Variants in NCK1 observed in about 807,000 individuals in gnomAD.
The protein encoded by NCK1 is NCK adaptor protein 1.
NCK1 carries 19 observed loss-of-function variants against 36.6 expected under a neutral mutation model. The observed-to-expected ratio is 0.52, with a 90% CI of 0.36 to 0.76. The LOEUF is 0.76. Among genes scored for constraint, NCK1 ranks in the 30% least tolerant of loss-of-function variants. The probability of loss-of-function intolerance (pLI) is 0.00; values close to 1 mark genes in which losing one functional copy is unlikely to be tolerated. For synonymous variants in NCK1, 165 were observed against 156.0 expected (o/e 1.06, Z -0.43); for missense variants, 358 against 445.6 (o/e 0.80, Z 1.77).
In NCK1 at chr3:136,928,111, C is replaced by G. The variant is rs748380862; in HGVS notation, c.110C>G (p.Ser37Cys). The G allele has an allele frequency of 6.2e-6, 10 of 1,613,914 alleles. No homozygotes were observed. Among genetic ancestry groups the G allele is most frequent in the Non-Finnish European group, 7.6e-6 (9 of 1,180,016 alleles). Reference sequence around the variant, plus strand: ...TTATGGCTTCTGGATGATTCTAAGTCCTGGTGGCGAGTTCGAAATTCCATG... The same window carrying G: ...TTATGGCTTCTGGATGATTCTAAGTGCTGGTGGCGAGTTCGAAATTCCATG... ...ERLWLLDDSK[S>C]WWRVRNSMNK... The change falls in exon 2 of 4, where the codon TCC (serine) becomes TGC (cysteine). Residue 37 changes from serine to cysteine, a missense_variant. By Grantham distance (112) the Ser-to-Cys change is moderately radical. Around this residue, in one of 3 missense-constraint regions of NCK1, gnomAD observed 143 missense variants for 162.4 expected, o/e 0.88. Transcript: ENST00000481752.
intron 1 of NCK1, among the ~76,000 whole-genome samples, chr3:136,872,619 C>A (rs553467279): frequency 6.6e-6 from 1 of 152,206 alleles, no homozygotes; most frequent in Non-Finnish European, 1.5e-5. Flanking sequence ...GTCTGCAGGG[C>A]GTGTCGGAGG....
intron 1 of NCK1, among the ~76,000 whole-genome samples, chr3:136,869,551 A>C (rs889143873): frequency 6.6e-6 from 1 of 152,238 alleles, no homozygotes; most frequent in East Asian, 1.9e-4. Flanking sequence ...TCAAAAGAAA[A>C]AAAAGAAAGA....
intron 2 of NCK1, among the ~76,000 whole-genome samples, chr3:136,936,039 T>TTAAC (rs1491102243): frequency 7.0e-5 from 1 of 14,338 alleles, no homozygotes; most frequent in African/African-American, 1.8e-4. Context: ...TCTAAATAAC[T>TTAAC]TTTTTTTTTT....
chr3:136,939,265 AGTT>A (rs759012420), intron 2 of NCK1, among the ~76,000 whole-genome samples: 2 of 152,094 alleles, frequency 1.3e-5, no homozygotes, highest in African/African-American at 2.4e-5. Context: ...ATTGGCATAC[AGTT>A]GTTCATAGTA....
intron 1 of NCK1, among the ~76,000 whole-genome samples, chr3:136,917,247 T>TTC (rs11370944): frequency 2.0e-5 from 3 of 150,916 alleles, no homozygotes; most frequent in Non-Finnish European, 4.4e-5. Flanking sequence ...TTTTTTTTTT[T>TTC]GCTTAATCAG....
intron 1 of NCK1, among the ~76,000 whole-genome samples, chr3:136,914,249 G>A (rs542791443): frequency 1.2e-4 from 18 of 152,296 alleles, no homozygotes; most frequent in African/African-American, 4.1e-4. Flanking sequence ...CTTATTGCCC[G>A]AAAGCTGTGG....
In NCK1 at chr3:136,875,497, G is replaced by A. The variant is rs559039711; in HGVS notation, c.-19+13144G>A. On this transcript the variant is annotated intron_variant, in intron 1 of 3. Coordinates refer to ENST00000481752, the MANE Select transcript of NCK1 (RefSeq NM_001291999.2). ...TGGAAAACAAAAAAAGGCAGGGATT[G>A]CAATCCTAGTCTCTGATAAAACAGA... is the stretch of plus-strand genomic sequence containing the variant. Among the ~76,000 whole-genome samples, 4 of 152,304 alleles carry A rather than the reference G, an allele frequency of 2.6e-5. No homozygotes were observed. In the East Asian group the frequency reaches 7.7e-4, roughly 29 times the overall value.
In NCK1 at chr3:136,905,641, C is replaced by T. The variant is rs189371306; in HGVS notation, c.-18-22343C>T. On this transcript the variant is annotated intron_variant, in intron 1 of 3. Transcript: ENST00000481752. ...TTTCATAAATTTCTTTTTTTCCCCC[C>T]TGAGACAGGGTCTCACTCTGTTGCC... 3.0e-3 allele frequency among the ~76,000 whole-genome samples: 455 copies of T among 152,030 alleles called. 1 individual carries two copies. The highest frequency in any genetic ancestry group is 9.6e-3 in the African/African-American group (398 of 41,498).
chr3:136,950,828 A>G lies in NCK1; in HGVS notation c.*2375A>G, dbSNP rs1210734428. 2.6e-5 allele frequency among the ~76,000 whole-genome samples: 4 copies of G among 152,180 alleles called. No homozygotes were observed. The highest frequency in any genetic ancestry group is 2.0e-4 in the Admixed American group (3 of 15,260). ...AGTTTCAAATTTAAATACATGTGTC[A>G]GATGGAACCCTGCCTAACTCACTTC... On this transcript the variant is annotated 3_prime_UTR_variant, in exon 4 of 4. Transcript: ENST00000481752.
intron 1 of NCK1, among the ~76,000 whole-genome samples, chr3:136,868,870 C>A (rs1938524457): frequency 6.6e-6 from 1 of 152,194 alleles, no homozygotes; most frequent in South Asian, 2.1e-4. Flanking sequence ...GTAACACCTT[C>A]ACATTTTGCT....
chr3:136,864,497 A>AC (rs57808674), intron 1 of NCK1, among the ~76,000 whole-genome samples: 90,076 of 148,740 alleles, frequency 0.61, 27,786 homozygotes, highest in East Asian at 0.74. Context: ...CACACACACA[A>AC]AAAAAAAACA....
chr3:136,862,773 G>A (rs1938273638), intron 1 of NCK1, among the ~76,000 whole-genome samples: 4 of 152,242 alleles, frequency 2.6e-5, no homozygotes, highest in Admixed American at 1.3e-4. Flanking sequence ...GTAGGAGGAA[G>A]GGCGCTCTCA....
chr3:136,919,571 T>C (rs1176155904), intron 1 of NCK1, among the ~76,000 whole-genome samples: 1 of 152,162 alleles, frequency 6.6e-6, no homozygotes, highest in Non-Finnish European at 1.5e-5. Flanking sequence ...TAACCCTTTC[T>C]TAGAGAACTG....
chr3:136,930,367 C>T (rs918628085), intron 2 of NCK1: 2 of 949,240 alleles, frequency 2.1e-6, no homozygotes, highest in African/African-American at 1.7e-5. Flanking sequence ...GTTATACAGG[C>T]TGTGTTATAA....
Position 136,901,673 on chromosome 3 carries a change from G to A in NCK1, c.-18-26311G>A, listed in dbSNP as rs566297974. Among the ~76,000 whole-genome samples the A allele has an allele frequency of 3.3e-5, 5 of 152,126 alleles. No homozygotes were observed. In the East Asian group the frequency reaches 5.8e-4, roughly 18 times the overall value. ...CAATTTTCCAGTATGTTAGTGTATC[G>A]TTGTTTGTAATAGTTTTTAATGTTC... On this transcript the variant is annotated intron_variant, in intron 1 of 3. Transcript: ENST00000481752.
intron 1 of NCK1, among the ~76,000 whole-genome samples, chr3:136,885,540 A>G (rs1416856412): frequency 1.3e-5 from 2 of 152,166 alleles, no homozygotes; most frequent in African/African-American, 2.4e-5. Flanking sequence ...CCTGGGCTCA[A>G]GTGATTCGTC....
At position 136,950,647 on chromosome 3, in the gene NCK1, A is replaced by T. The variant is rs1191607649; in HGVS notation, c.*2194A>T. 6.6e-6 allele frequency among the ~76,000 whole-genome samples: 1 copy of T among 152,180 alleles called. No individual in the cohort carries two copies. Among genetic ancestry groups the T allele is most frequent in the Admixed American group, 6.5e-5 (1 of 15,272 alleles). On this transcript the variant is annotated 3_prime_UTR_variant, in exon 4 of 4. Transcript: ENST00000481752. ...CCTGGAAAACTCTACATAGCTAGATAGTAACAATACTTGTATAAGAAACCA... is the reference window on the plus strand; with the variant it reads ...CCTGGAAAACTCTACATAGCTAGATTGTAACAATACTTGTATAAGAAACCA...
At chr3:136,947,231 C>T (rs755259911) in intron 3 of NCK1, among the ~76,000 whole-genome samples, 46 of 152,250 alleles carry the variant, frequency 3.0e-4, no homozygotes, top group Middle Eastern at 6.8e-3. Flanking sequence ...AGAGTGATGA[C>T]ATCCATTTTC....
chr3:136,909,054 T>G (rs1939768038), intron 1 of NCK1, among the ~76,000 whole-genome samples: 1 of 152,196 alleles, frequency 6.6e-6, no homozygotes, highest in South Asian at 2.1e-4. Context: ...CTTGTTGTTA[T>G]GTAGTAGGAA....
Sources: gnomAD v4.1 joint callset for allele counts (sites outside exome capture counted in the v4.1 genomes callset) on GRCh38, gnomAD v4.1.1 for gene constraint, gnomAD v4.1.1 regional missense constraint, MANE v1.5 for transcripts, NCBI Gene and HGNC (gene_info 2026-07-23, HGNC 2026-07-21) for gene names.